The following NUP188 variants were observed in gnomAD, a reference collection of about 807,000 sequenced individuals.
The protein encoded by NUP188 is nucleoporin NUP188.
In NUP188, 97 loss-of-function variants were observed where a neutral mutation model predicts 223.0. The observed-to-expected ratio is 0.43, with a 90% CI of 0.37 to 0.51. The LOEUF (loss-of-function observed/expected upper bound fraction) is 0.51, where lower values mean the gene tolerates loss of function less well. NUP188 is among the 20% of genes least tolerant of loss of function. The pLI is 0.00. For synonymous variants in NUP188, 869 were observed against 828.0 expected, an observed-to-expected ratio of 1.05 and a Z score of -0.85; for missense variants, 1,947 against 2,175.6, an observed-to-expected ratio of 0.89 and a Z score of 2.09.
At chr9:128,991,830 C>CA (rs1374915905) in intron 25 of NUP188, among the ~76,000 whole-genome samples, 629 of 61,396 alleles carry the variant, frequency 0.01, 7 homozygotes, top group East Asian at 0.088. Flanking sequence ...GCGACAGAGT[C>CA]AAAAAAAAAA....
intron 12 of NUP188, among the ~76,000 whole-genome samples, chr9:128,976,531 C>T (rs1336243489): frequency 6.6e-6 from 1 of 151,972 alleles, no homozygotes; most frequent in Non-Finnish European, 1.5e-5. Flanking sequence ...ATTAGCTGGA[C>T]ATGGTGGCAG....
At chr9:128,963,089 C>G (rs1841977967) in intron 8 of NUP188, among the ~76,000 whole-genome samples, 1 of 152,118 alleles carries the variant, frequency 6.6e-6, no homozygotes. Flanking sequence ...GAGTAGTAAA[C>G]ATTCCATTGT....
Position 129,006,539 on chromosome 9 carries a change from G to T in NUP188, c.5111G>T (p.Arg1704Leu). The T allele has an allele frequency of 2.5e-6, 4 of 1,613,816 alleles. No individual in the cohort carries two copies. Among genetic ancestry groups the T allele is most frequent in the Non-Finnish European group, 3.4e-6 (4 of 1,179,898 alleles). ...TCCAGCCTCTCGCGCTACTTCCGCC[G>T]GGGAGCCCCCAGCTCCCCTGCCACT... Reference protein sequence around the residue: ...LLSSLSRYFRRGAPSSPATGV... With the variant: ...LLSSLSRYFRLGAPSSPATGV... Residue 1704 changes from arginine to leucine, a missense_variant, in exon 44 of 44, where the codon CGG becomes CTG. By Grantham distance (102) the Arg-to-Leu change is moderately radical. Around this residue, in one of 3 missense-constraint regions of NUP188, gnomAD observed 905 missense variants for 990.6 expected, o/e 0.91. Coordinates refer to ENST00000372577, the MANE Select transcript of NUP188 (RefSeq NM_015354.3).
intron 8 of NUP188, chr9:128,964,371 T>G: frequency 3.7e-6 from 1 of 270,562 alleles, no homozygotes; most frequent in Non-Finnish European, 7.4e-6. Context: ...ATTCTTTTTT[T>G]TTTTTTTTGA....
intron 20 of NUP188, 21 bp downstream of exon 20, chr9:128,985,035 C>T: frequency 6.5e-7 from 1 of 1,548,748 alleles, no homozygotes; most frequent in Non-Finnish European, 8.9e-7. Context: ...ATTTTGTTCA[C>T]AAAGGGCAGA....
intron 25 of NUP188, 169 bp from the exon 26 acceptor site, chr9:128,993,028 C>T (rs1235840555): frequency 2.2e-5 from 13 of 604,132 alleles, no homozygotes; most frequent in Non-Finnish European, 3.3e-5. Context: ...TGTGAATTTG[C>T]GGGCATCTCA....
chr9:128,972,047 C>T (rs1014279363), intron 11 of NUP188, among the ~76,000 whole-genome samples: 1 of 152,228 alleles, frequency 6.6e-6, no homozygotes, highest in Admixed American at 6.5e-5. Context: ...TCTGGGATTA[C>T]AGGTGTGAGC....
chr9:128,957,994 C>CT lies in NUP188; in HGVS notation c.328-15dup, dbSNP rs1318800705. 1 of 1,608,576 alleles carries CT rather than the reference C, an allele frequency of 6.2e-7. No homozygotes were observed. The highest frequency in any genetic ancestry group is 1.3e-5 in the African/African-American group (1 of 74,758). On this transcript the variant is annotated splice_polypyrimidine_tract_variant and intron_variant, in intron 5 of 43. Transcript: ENST00000372577. ...CCTAAAAGATGGCCTCTTAACTGCT[C>CT]TGTTTTTCTTTTCAGACAGTACTGC...
intron 19 of NUP188, among the ~76,000 whole-genome samples, chr9:128,984,146 G>C (rs1842298116): frequency 1.1e-5 from 1 of 88,352 alleles, no homozygotes; most frequent in Admixed American, 1.0e-4. Flanking sequence ...TTTTTTTTGA[G>C]ATGGAGTTGC....
intron 34 of NUP188, among the ~76,000 whole-genome samples, chr9:129,000,038 G>A (rs1842612948): frequency 6.6e-6 from 1 of 152,234 alleles, no homozygotes. Context: ...CTGGGACTTA[G>A]GTGCCTTTTC....
chr9:129,003,626 T>A (rs1397185537), intron 38 of NUP188, 172 bp downstream of exon 38: 9 of 806,228 alleles, frequency 1.1e-5, no homozygotes, highest in African/African-American at 1.7e-5. Context: ...AATGTTTCCT[T>A]CCATAGTCAA....
intron 15 of NUP188, 40 bp downstream of exon 15, chr9:128,981,430 T>TG: frequency 6.3e-7 from 1 of 1,578,440 alleles, no homozygotes; most frequent in African/African-American, 1.4e-5. Flanking sequence ...AGCTTTTTTT[T>TG]TTTTTGATGT....
At chr9:128,963,775 G>A (rs1163043555) in intron 8 of NUP188, among the ~76,000 whole-genome samples, 1 of 150,504 alleles carries the variant, frequency 6.6e-6, no homozygotes, top group Non-Finnish European at 1.5e-5. Flanking sequence ...GAGTAGGCTG[G>A]GATTACAGGC....
intron 3 of NUP188, among the ~76,000 whole-genome samples, chr9:128,953,482 T>G (rs1841824754): frequency 6.6e-6 from 1 of 152,214 alleles, no homozygotes; most frequent in South Asian, 2.1e-4. Flanking sequence ...CTTCTACTTT[T>G]GTACTGCTTT....
rs770364864 is a variant in NUP188 at position 128,981,287 on chromosome 9, G to A, written c.1413G>A (p.Met471Ile). Residue 471 changes from methionine to isoleucine, a missense_variant, in exon 15 of 44, where the codon ATG (methionine) becomes ATA (isoleucine). Coordinates refer to ENST00000372577, the MANE Select transcript of NUP188 (RefSeq NM_015354.3). ...AKKVYSFLDK[M>I]SFYNELYKHK... ...AGGTGTATAGCTTCTTGGATAAGATGTCTTTCTACAATGAACTTTATAAAC... is the reference window on the plus strand; with the variant it reads ...AGGTGTATAGCTTCTTGGATAAGATATCTTTCTACAATGAACTTTATAAAC... 25 of 1,613,970 alleles carry A rather than the reference G, an allele frequency of 1.5e-5. No homozygotes were observed. The Admixed American group carries it at 4.2e-4, about 27-fold the overall frequency.
chr9:128,962,904 C>G (rs1023692722), intron 8 of NUP188, among the ~76,000 whole-genome samples: 29 of 152,014 alleles, frequency 1.9e-4, no homozygotes, highest in African/African-American at 6.8e-4. Flanking sequence ...ATAAAATTTA[C>G]CATTTTAACT....
intron 1 of NUP188, 105 bp downstream of exon 1, chr9:128,947,856 C>A: frequency 1.8e-6 from 2 of 1,122,086 alleles, no homozygotes; most frequent in Non-Finnish European, 2.3e-6. Flanking sequence ...AGTGGCAGGG[C>A]CAACCCCGGC....
intron 10 of NUP188, 66 bp from the exon 11 acceptor site, chr9:128,970,692 G>A (rs767121781): frequency 2.8e-5 from 39 of 1,372,558 alleles, no homozygotes; most frequent in Non-Finnish European, 4.0e-5. Context: ...GCGTGATGAA[G>A]AATCTGGTCG....
chr9:128,968,271 C>T (rs1842058862), intron 8 of NUP188, among the ~76,000 whole-genome samples: 1 of 150,412 alleles, frequency 6.6e-6, no homozygotes, highest in African/African-American at 2.5e-5. Flanking sequence ...AAATCTGTCT[C>T]TTAAAAAAAA....
Sources: gnomAD v4.1 joint callset for allele counts (sites outside exome capture counted in the v4.1 genomes callset) on GRCh38, gnomAD v4.1.1 for gene constraint, gnomAD v4.1.1 regional missense constraint, MANE v1.5 for transcripts, NCBI Gene and HGNC (gene_info 2026-07-23, HGNC 2026-07-21) for gene names.